The following WWOX variants were observed in gnomAD, a reference collection of about 807,000 sequenced individuals.
WWOX encodes WW domain-containing oxidoreductase.
Under a neutral mutation model 46.2 loss-of-function variants are expected in WWOX, and 69 were observed. That is an observed-to-expected ratio of 1.49 (90% CI 1.23 to 1.82). The LOEUF (loss-of-function observed/expected upper bound fraction) is 1.82. Among genes scored for constraint, WWOX ranks in the 40% most tolerant of loss-of-function variants. The pLI is 0.00. For missense variants in WWOX, 919 were observed against 542.6 expected, an observed-to-expected ratio of 1.69 and a Z score of -6.89; for synonymous variants, 359 against 202.6, an observed-to-expected ratio of 1.77 and a Z score of -6.56.
chr16:78,917,443 C>T (rs1244856111), intron 8 of WWOX, among the ~76,000 whole-genome samples: 2 of 152,076 alleles, frequency 1.3e-5, no homozygotes, highest in East Asian at 1.9e-4. Context: ...GAGCAAGGTT[C>T]ATCTAGTCTC....
At chr16:78,415,533 CTCTGGTTTGAATGCT>C (rs773941993) in intron 6 of WWOX, among the ~76,000 whole-genome samples, 31 of 152,154 alleles carry the variant, frequency 2.0e-4, no homozygotes, top group Non-Finnish European at 3.7e-4. Flanking sequence ...AATGGAGTCA[CTCTGGTTTGAATGCT>C]TCTGACAAAC....
intron 8 of WWOX, among the ~76,000 whole-genome samples, chr16:78,635,133 A>C (rs2046536879): frequency 6.6e-6 from 1 of 152,198 alleles, no homozygotes. Flanking sequence ...AAATGTGCCT[A>C]ATGCCAAAAC....
chr16:78,353,028 T>G (rs1469381840), intron 5 of WWOX, among the ~76,000 whole-genome samples: 6 of 152,238 alleles, frequency 3.9e-5, no homozygotes, highest in Non-Finnish European at 7.3e-5. Flanking sequence ...TTATTCGTCT[T>G]TCTTCTTTTG....
chr16:78,912,253 G>A (rs911349775), intron 8 of WWOX, among the ~76,000 whole-genome samples: 2 of 152,096 alleles, frequency 1.3e-5, no homozygotes, highest in African/African-American at 4.8e-5. Context: ...CATTAACACA[G>A]GTAATCAGGA....
chr16:78,810,269 TC>T (rs975241421), intron 8 of WWOX, among the ~76,000 whole-genome samples: 1 of 152,214 alleles, frequency 6.6e-6, no homozygotes, highest in African/African-American at 2.4e-5. Flanking sequence ...ATCTGCAATT[TC>T]CACCTGGATC....
intron 8 of WWOX, among the ~76,000 whole-genome samples, chr16:78,744,345 T>C (rs894223484): frequency 6.6e-6 from 1 of 152,066 alleles, no homozygotes; most frequent in African/African-American, 2.4e-5. Context: ...GTTTGCTTTT[T>C]TATAGTGACT....
chr16:78,633,220 C>G (rs1242739334), intron 8 of WWOX, among the ~76,000 whole-genome samples: 1 of 152,156 alleles, frequency 6.6e-6, no homozygotes, highest in Admixed American at 6.5e-5. Flanking sequence ...TGAGATCGTG[C>G]CACTGCGCTC....
chr16:78,476,372 C>A (rs562544995), intron 8 of WWOX, among the ~76,000 whole-genome samples: 3 of 152,102 alleles, frequency 2.0e-5, no homozygotes, highest in Non-Finnish European at 2.9e-5. Flanking sequence ...AACCAAACAC[C>A]GCATGTTCTC....
At chr16:78,407,854 C>G (rs1218722474) in intron 6 of WWOX, among the ~76,000 whole-genome samples, 1 of 152,234 alleles carries the variant, frequency 6.6e-6, no homozygotes, top group South Asian at 2.1e-4. Flanking sequence ...CAAACACGCA[C>G]TTCCTATGGA....
At chr16:78,626,440 T>C (rs922992537) in intron 8 of WWOX, among the ~76,000 whole-genome samples, 1 of 152,198 alleles carries the variant, frequency 6.6e-6, no homozygotes, top group Admixed American at 6.5e-5. Flanking sequence ...TGCTCCTGTG[T>C]TGGGATTTTT....
rs111269173 is a variant in WWOX, at chr16:78,288,121, C to A, written c.517-98739C>A. 1.8e-3 allele frequency among the ~76,000 whole-genome samples: 275 copies of A among 152,182 alleles called. 1 individual carries two copies. Among genetic ancestry groups the A allele is most frequent in the African/African-American group, 6.2e-3 (256 of 41,502 alleles). ...TTTAATGCCTGCTACCTTCAAGACA[C>A]TTCGTGTGGTCACCTCCAATTATAG... On this transcript the variant is annotated intron_variant, in intron 5 of 8. Transcript: ENST00000566780.
At chr16:78,182,964 A>AAAAG (rs1454178731) in intron 5 of WWOX, among the ~76,000 whole-genome samples, 1 of 145,780 alleles carries the variant, frequency 6.9e-6, no homozygotes, top group Non-Finnish European at 1.5e-5. Context: ...AAAAAAAAAA[A>AAAAG]AAAGAAAGAA....
At chr16:78,378,958 A>G (rs1298104607) in intron 5 of WWOX, among the ~76,000 whole-genome samples, 5 of 152,222 alleles carry the variant, frequency 3.3e-5, no homozygotes, top group Non-Finnish European at 7.3e-5. Flanking sequence ...ACAGGGGAAC[A>G]GCCCAGTGTG....
At chr16:78,459,175 T>C (rs907223504) in intron 8 of WWOX, among the ~76,000 whole-genome samples, 1 of 152,164 alleles carries the variant, frequency 6.6e-6, no homozygotes, top group African/African-American at 2.4e-5. Flanking sequence ...ACCTTAGAGA[T>C]TATCTAGGCC....
chr16:78,411,189 G>A (rs1174288455), intron 6 of WWOX, among the ~76,000 whole-genome samples: 1 of 152,156 alleles, frequency 6.6e-6, no homozygotes, highest in Admixed American at 6.5e-5. Flanking sequence ...TTACACAAAA[G>A]TATGAAAACC....
chr16:78,440,726 C>T (rs1567574988), intron 8 of WWOX, among the ~76,000 whole-genome samples: 2 of 151,604 alleles, frequency 1.3e-5, no homozygotes, highest in South Asian at 4.2e-4. Context: ...TCAAGCAATT[C>T]TCCTGCCTCA....
chr16:79,199,954 C>G (rs890609083), intron 8 of WWOX, among the ~76,000 whole-genome samples: 2 of 152,134 alleles, frequency 1.3e-5, no homozygotes, highest in Admixed American at 1.3e-4. Flanking sequence ...ATGAGTTCAT[C>G]ATTTCTGTTA....
At chr16:78,805,904 A>T (rs2051021645) in intron 8 of WWOX, among the ~76,000 whole-genome samples, 1 of 152,194 alleles carries the variant, frequency 6.6e-6, no homozygotes, top group African/African-American at 2.4e-5. Flanking sequence ...CTAGCATGCC[A>T]GGAACATTTT....
In WWOX at chr16:78,924,120, A is replaced by C. The variant is rs150045711; in HGVS notation, c.1057-287488A>C. 3.1e-3 allele frequency among the ~76,000 whole-genome samples: 476 copies of C among 152,178 alleles called. 1 individual carries two copies. Among genetic ancestry groups the C allele is most frequent in the African/African-American group, 0.011 (459 of 41,544 alleles). The stretch of plus-strand genomic sequence containing the variant: ...ACATGAGCCGCTGTGCCCGGCTGCT[A>C]GGAACTATTAATCCATAGACAAGGC... On this transcript the variant is annotated intron_variant, in intron 8 of 8. Transcript: ENST00000566780.
Sources: gnomAD v4.1 joint callset for allele counts (sites outside exome capture counted in the v4.1 genomes callset) on GRCh38, gnomAD v4.1.1 for gene constraint, MANE v1.5 for transcripts, NCBI Gene and HGNC (gene_info 2026-07-23, HGNC 2026-07-21) for gene names.